The following DHX33 variants were observed in gnomAD, a reference collection of about 807,000 sequenced individuals.
The protein encoded by DHX33 is ATP-dependent RNA helicase DHX33.
Under a neutral mutation model 72.5 loss-of-function variants are expected in DHX33, and 42 were observed. The ratio of observed to expected loss-of-function variants is 0.58; its 90% CI spans 0.45 to 0.75. DHX33 has a LOEUF of 0.75. DHX33 is among the 30% of genes least tolerant of loss of function. DHX33 has a pLI of 0.00. For missense variants in DHX33, 842 were observed against 917.5 expected, an observed-to-expected ratio of 0.92 and a Z score of 1.06; for synonymous variants, 358 against 366.1, an observed-to-expected ratio of 0.98 and a Z score of 0.25.
intron 11 of DHX33, 177 bp downstream of exon 11, chr17:5,448,632 G>T: frequency 2.6e-6 from 1 of 384,376 alleles, no homozygotes; most frequent in Non-Finnish European, 4.7e-6. Flanking sequence ...TAGGCTATTA[G>T]GAAATAGGCT....
At position 5,468,906 on chromosome 17, in the gene DHX33, C is replaced by T; in HGVS notation, c.-47G>A. On this transcript the variant is annotated 5_prime_UTR_variant, in exon 1 of 12. Coordinates refer to ENST00000225296, the MANE Select transcript of DHX33 (RefSeq NM_020162.4). ...GAGGCGCAAGCGCCGAGAGCTCCTGCCCCCTCTCAGGTGCAGACAACAGGA... is the reference window on the plus strand; with the variant it reads ...GAGGCGCAAGCGCCGAGAGCTCCTGTCCCCTCTCAGGTGCAGACAACAGGA... 14 of 1,546,288 alleles carry T rather than the reference C, an allele frequency of 9.1e-6. No homozygotes were observed. Among genetic ancestry groups the T allele is most frequent in the Middle Eastern group, 1.9e-4 (1 of 5,288 alleles).
In DHX33 at chr17:5,448,893, A is replaced by G. The variant is rs748148767; in HGVS notation, c.1731T>C (p.Asp577=). 1.9e-6 allele frequency: 3 copies of G among 1,611,690 alleles called. No individual in the cohort carries two copies. The highest frequency in any genetic ancestry group is 1.7e-6 in the Non-Finnish European group (2 of 1,178,574). Residue 577 remains aspartate, a splice_region_variant and synonymous_variant, in exon 11 of 12, where the codon GAT becomes GAC. Transcript: ENST00000225296. ...RTFKNLGGNK[D]WCKENFVNSK... is the part of the protein sequence containing the mutation. ...TGTTGACAAAATTCTCTTTGCACCA[A>G]TCCTGAATAGGAGAAAGAGTGATAT...
rs749397000 is a variant in DHX33, at chr17:5,450,921, C to T, written c.1410G>A (p.Ala470=). 5.0e-6 allele frequency: 8 copies of T among 1,613,850 alleles called. No individual in the cohort carries two copies. The highest frequency in any genetic ancestry group is 1.6e-4 in the Middle Eastern group (1 of 6,062). Residue 470 remains alanine, a synonymous_variant, in exon 9 of 12, where the codon GCG becomes GCA. Transcript: ENST00000225296. ...MSKPSPDHIQ[A]AIAQLDLLGA... ...CTAACAGGTCCAGTTGGGCAATGGC[C>T]GCCTGAATGTGATCTAAAGAAACAG...
In DHX33 at chr17:5,453,565, G is replaced by A; in HGVS notation, c.1396+15C>T. 2.5e-6 allele frequency: 4 copies of A among 1,612,336 alleles called. No homozygotes were observed. The highest frequency in any genetic ancestry group is 3.4e-6 in the Non-Finnish European group (4 of 1,178,392). On this transcript the variant is annotated intron_variant, in intron 8 of 11. Coordinates refer to ENST00000225296, the MANE Select transcript of DHX33 (RefSeq NM_020162.4). ...CTCCTCACCCACCTTCTGCAAAACT[G>A]TGGATTTCACTTACCTGGAGATGGC...
chr17:5,458,556 T>C (rs1904438155), intron 4 of DHX33, among the ~76,000 whole-genome samples: 1 of 152,138 alleles, frequency 6.6e-6, no homozygotes, highest in Non-Finnish European at 1.5e-5. Flanking sequence ...ACGACCAGCC[T>C]GGGCAACACA....
rs185743775 is a variant in DHX33 at position 5,455,208 on chromosome 17, T to G, written c.1099A>C (p.Lys367Gln). ...ACCATGCCCGTGTCAACTACATATT[T>G]TATTCCTGTAATGGTTATGGAGGTT... ...AETSITITGI[K>Q]YVVDTGMVKA... Residue 367 changes from lysine (K) to glutamine (Q), a missense_variant, in exon 6 of 12, where the codon AAA becomes CAA. By Grantham distance (53) the Lys-to-Gln change is moderately conservative. Transcript: ENST00000225296. 20 of 1,614,214 alleles carry G rather than the reference T, an allele frequency of 1.2e-5. No individual in the cohort carries two copies. In the Admixed American group the frequency reaches 2.0e-4, roughly 16 times the overall value.
intron 1 of DHX33, among the ~76,000 whole-genome samples, chr17:5,465,908 C>T (rs1904859295): frequency 6.6e-6 from 1 of 152,174 alleles, no homozygotes; most frequent in South Asian, 2.1e-4. Flanking sequence ...TTCTGCAGTG[C>T]ACCATCCTTA....
intron 8 of DHX33, among the ~76,000 whole-genome samples, chr17:5,452,968 T>G (rs898100164): frequency 6.6e-6 from 1 of 152,050 alleles, no homozygotes; most frequent in African/African-American, 2.4e-5. Flanking sequence ...AAAAGGAAAA[T>G]GGTGCGTTGA....
chr17:5,466,391 C>T (rs1197879137), intron 1 of DHX33, among the ~76,000 whole-genome samples: 2 of 152,050 alleles, frequency 1.3e-5, no homozygotes, highest in African/African-American at 4.8e-5. Flanking sequence ...CCACACATAA[C>T]CCCATCCTAA....
chr17:5,456,277 T>C, intron 4 of DHX33, 95 bp from the exon 5 acceptor site: 6 of 1,329,236 alleles, frequency 4.5e-6, no homozygotes, highest in Non-Finnish European at 6.3e-6. Context: ...CCCAGAGTTA[T>C]TTCTCTTAAC....
At chr17:5,452,706 G>A (rs1916995305) in intron 8 of DHX33, among the ~76,000 whole-genome samples, 1 of 152,218 alleles carries the variant, frequency 6.6e-6, no homozygotes, top group Non-Finnish European at 1.5e-5. Flanking sequence ...CAACCAGAGT[G>A]AGACCCTGTC....
At chr17:5,450,763 A>T (rs1205970369) in intron 9 of DHX33, 44 bp downstream of exon 9, 8 of 1,613,036 alleles carry the variant, frequency 5.0e-6, no homozygotes, top group Non-Finnish European at 6.8e-6. Context: ...GGGACGGTTA[A>T]CTGTAATGTA....
At chr17:5,453,506 A>C in intron 8 of DHX33, 74 bp downstream of exon 8, 1 of 1,210,586 alleles carries the variant, frequency 8.3e-7, no homozygotes, top group Admixed American at 1.7e-5. Context: ...AATATACTTT[A>C]TTTTTTTGGA....
At chr17:5,446,044 G>C (rs1181413309) in intron 11 of DHX33, among the ~76,000 whole-genome samples, 2 of 152,170 alleles carry the variant, frequency 1.3e-5, no homozygotes, top group African/African-American at 2.4e-5. Context: ...CACAATCCCA[G>C]CTCGCTGGCA....
chr17:5,457,816 A>T (rs1381934755), intron 4 of DHX33, among the ~76,000 whole-genome samples: 1 of 152,232 alleles, frequency 6.6e-6, no homozygotes, highest in Non-Finnish European at 1.5e-5. Flanking sequence ...AATTCATCAA[A>T]GCCAGTGGTA....
rs766077908 is a variant in DHX33 at position 5,450,187 on chromosome 17, G to A, written c.1728+16C>T. 6.2e-7 allele frequency: 1 copy of A among 1,613,926 alleles called. No homozygotes were observed. Among genetic ancestry groups the A allele is most frequent in the Non-Finnish European group, 8.5e-7 (1 of 1,179,932 alleles). On this transcript the variant is annotated intron_variant, in intron 10 of 11. Coordinates refer to ENST00000225296, the MANE Select transcript of DHX33 (RefSeq NM_020162.4). ...AAGCAGCTATCGCTGGAGAACAGGT[G>A]CAAGACAAGGCTCACCTTATTTCCG...
chr17:5,463,492 G>T (rs1368411136), intron 2 of DHX33, 37 bp downstream of exon 2: 3 of 1,603,990 alleles, frequency 1.9e-6, no homozygotes, highest in Non-Finnish European at 2.6e-6. Flanking sequence ...GAGCTGTTGA[G>T]TCAAGAAGTA....
At chr17:5,467,538 C>G (rs1286506146) in intron 1 of DHX33, among the ~76,000 whole-genome samples, 2 of 152,190 alleles carry the variant, frequency 1.3e-5, no homozygotes, top group Non-Finnish European at 2.9e-5. Flanking sequence ...CGACCATAAA[C>G]CACAAATAAC....
At position 5,468,877 on chromosome 17, in the gene DHX33, G is replaced by A; in HGVS notation, c.-18C>T. ...TCCGGCATGTCGGGAGGGCACCGCG[G>A]CGGGAGGCGCAAGCGCCGAGAGCTC... On this transcript the variant is annotated 5_prime_UTR_variant, in exon 1 of 12. Transcript: ENST00000225296. 6.5e-7 allele frequency: 1 copy of A among 1,549,534 alleles called. No homozygotes were observed.
Sources: gnomAD v4.1 joint callset for allele counts (sites outside exome capture counted in the v4.1 genomes callset) on GRCh38, gnomAD v4.1.1 for gene constraint, MANE v1.5 for transcripts, NCBI Gene and HGNC (gene_info 2026-07-23, HGNC 2026-07-21) for gene names.